HSPH1: variants seen among roughly 807,000 people sequenced by gnomAD.
HSPH1 encodes heat shock protein 105 kDa.
In HSPH1, 40 loss-of-function variants were observed where a neutral mutation model predicts 100.0. That is an observed-to-expected ratio of 0.40 (90% CI 0.31 to 0.52). The LOEUF is 0.52. Ranked by LOEUF, HSPH1 falls within the 20% of genes least tolerant of loss-of-function variation. HSPH1 has a pLI of 0.54. For missense variants in HSPH1, 876 were observed against 1,015.1 expected, an observed-to-expected ratio of 0.86 and a Z score of 1.86; for synonymous variants, 403 against 344.0, an observed-to-expected ratio of 1.17 and a Z score of -1.90.
At chr13:31,142,879 A>G (rs899091516) in intron 12 of HSPH1, among the ~76,000 whole-genome samples, 3 of 152,120 alleles carry the variant, frequency 2.0e-5, no homozygotes, top group Non-Finnish European at 4.4e-5. Flanking sequence ...AACCACCATC[A>G]TCACACAACT....
At chr13:31,147,928 A>G (rs1292419887) in intron 10 of HSPH1, 31 bp downstream of exon 10, 2 of 1,541,062 alleles carry the variant, frequency 1.3e-6, no homozygotes, top group Non-Finnish European at 1.7e-6. Flanking sequence ...CTTTAACTAA[A>G]AGAGTAAAAT....
At chr13:31,157,606 C>A (rs1956744520) in intron 2 of HSPH1, among the ~76,000 whole-genome samples, 1 of 152,154 alleles carries the variant, frequency 6.6e-6, no homozygotes, top group Non-Finnish European at 1.5e-5. Flanking sequence ...ATACAGTACT[C>A]AATCTAATCC....
intron 14 of HSPH1, 84 bp downstream of exon 14, chr13:31,140,099 TA>T: frequency 1.5e-6 from 2 of 1,293,282 alleles, no homozygotes; most frequent in Non-Finnish European, 1.0e-6. Context: ...CATAATTGAG[TA>T]AAAGCTTAAG....
At chr13:31,147,039 G>A (rs957568713) in intron 10 of HSPH1, among the ~76,000 whole-genome samples, 1 of 152,072 alleles carries the variant, frequency 6.6e-6, no homozygotes, top group African/African-American at 2.4e-5. Flanking sequence ...TCTATCTAAA[G>A]AAACAGCATT....
At chr13:31,158,652 C>T (rs927423514) in intron 2 of HSPH1, among the ~76,000 whole-genome samples, 154 bp downstream of exon 2, 1 of 149,596 alleles carries the variant, frequency 6.7e-6, no homozygotes, top group African/African-American at 2.5e-5. Context: ...AGAGTGTCAT[C>T]ATCTGAAGGT....
At chr13:31,140,150 A>T in intron 14 of HSPH1, 34 bp downstream of exon 14, 1 of 1,585,038 alleles carries the variant, frequency 6.3e-7, no homozygotes, top group Non-Finnish European at 8.6e-7. Flanking sequence ...TTCATATGAG[A>T]CTATCTGAAC....
chr13:31,145,808 T>C, intron 10 of HSPH1, 40 bp from the exon 11 acceptor site: 2 of 1,589,146 alleles, frequency 1.3e-6, no homozygotes, highest in Non-Finnish European at 1.7e-6. Flanking sequence ...TCACAATTTA[T>C]TTAGAATTAA....
chr13:31,150,917 T>A (rs1956463854), intron 7 of HSPH1, 30 bp downstream of exon 7: 1 of 1,577,970 alleles, frequency 6.3e-7, no homozygotes, highest in African/African-American at 1.4e-5. Flanking sequence ...AGAAGTTCCA[T>A]CTATTTAATC....
At chr13:31,144,415 C>T (rs7981699) in intron 11 of HSPH1, among the ~76,000 whole-genome samples, 146,329 of 152,258 alleles carry the variant, frequency 0.96, 70,342 homozygotes, top group South Asian at 0.97. Context: ...AGCTTATAGA[C>T]AGCCAAGACT....
rs192106781 is a variant in HSPH1 at position 31,140,367 on chromosome 13, A to G, written c.1855-58T>C. ...TTCTAGTTAACTCAAGCTAAATTCT[A>G]AATATGTAGACTCTGGGGTTTAAAA... On this transcript the variant is annotated intron_variant, in intron 13 of 17. Coordinates refer to ENST00000320027, the MANE Select transcript of HSPH1 (RefSeq NM_006644.4). The G allele has an allele frequency of 2.6e-4, 395 of 1,534,176 alleles. 1 individual carries two copies. Among genetic ancestry groups the G allele is most frequent in the Non-Finnish European group, 2.9e-4 (326 of 1,128,050 alleles).
At chr13:31,145,262 G>C (rs560639033) in intron 11 of HSPH1, among the ~76,000 whole-genome samples, 1 of 151,976 alleles carries the variant, frequency 6.6e-6, no homozygotes, top group African/African-American at 2.4e-5. Context: ...GTCAACATTC[G>C]ACTTCTCAAT....
chr13:31,148,572 C>CA (rs33938762), intron 8 of HSPH1, 92 bp from the exon 9 acceptor site: 21,780 of 136,128 alleles, frequency 0.16, 1,985 homozygotes, highest in East Asian at 0.31. Context: ...ACAGGGTTTT[C>CA]AAAAAAAAAA....
chr13:31,152,703 A>G, intron 5 of HSPH1, 149 bp downstream of exon 5: 2 of 575,276 alleles, frequency 3.5e-6, no homozygotes, highest in South Asian at 2.2e-5. Flanking sequence ...CTCATTAACC[A>G]TAAGCATTTT....
rs770420187 is a variant in HSPH1 at position 31,137,407 on chromosome 13, C to T, written c.2488G>A (p.Asp830Asn). 1.2e-6 allele frequency: 2 copies of T among 1,613,390 alleles called. No individual in the cohort carries two copies. Among genetic ancestry groups the T allele is most frequent in the South Asian group, 2.2e-5 (2 of 91,038 alleles). Residue 830 changes from aspartate to asparagine, a missense_variant, in exon 18 of 18, where the codon GAC (aspartate) becomes AAC (asparagine). By Grantham distance (23) the Asp-to-Asn change is conservative. Transcript: ENST00000320027. Reference protein sequence around the residue: ...NIDKKEEDLEDKNNFGAEPPH... With the variant: ...NIDKKEEDLENKNNFGAEPPH... ...GGTTCAGCACCAAAATTGTTTTTGT[C>T]TTCTAAATCTTCTTCCTTTTTATCA...
chr13:31,154,578 A>C (rs779472014), intron 4 of HSPH1, 55 bp downstream of exon 4: 2 of 1,604,090 alleles, frequency 1.2e-6, no homozygotes, highest in African/African-American at 2.7e-5. Flanking sequence ...CTTAAAAGTA[A>C]TACAAAGAAC....
chr13:31,135,425 G>C lies in HSPH1; in HGVS notation c.*1893C>G, dbSNP rs1170462183. On this transcript the variant is annotated 3_prime_UTR_variant, in exon 18 of 18. Coordinates refer to ENST00000320027, the MANE Select transcript of HSPH1 (RefSeq NM_006644.4). ...ACATTCAGAAAACATAAAAACCAAAGAAACATATTAACTGCATAAAAATTT... is the reference window on the plus strand; with the variant it reads ...ACATTCAGAAAACATAAAAACCAAACAAACATATTAACTGCATAAAAATTT... 1.3e-5 allele frequency: 2 copies of C among 152,054 alleles called. No individual in the cohort carries two copies. Among genetic ancestry groups the C allele is most frequent in the Non-Finnish European group, 2.9e-5 (2 of 67,990 alleles). 9.4% of individuals were successfully genotyped at this position (152,054 alleles called of 1,614,324 possible). A position where few individuals can be genotyped will look rare whatever the true frequency, so the allele number is the denominator to read the frequency against.
At position 31,137,018 on chromosome 13, in the gene HSPH1, G is replaced by T. The variant is rs1593704502; in HGVS notation, c.*300C>A. ...ACAGCCCTCTTGAACAAGCAGTACA[G>T]TTTTTTTTCTCCAAAAGACAAAAGT... On this transcript the variant is annotated 3_prime_UTR_variant, in exon 18 of 18. Transcript: ENST00000320027. 2 of 495,088 alleles carry T rather than the reference G, an allele frequency of 4.0e-6. No homozygotes were observed. Among genetic ancestry groups the T allele is most frequent in the Non-Finnish European group, 7.7e-6 (2 of 258,366 alleles). 30.7% of individuals were successfully genotyped at this position (495,088 alleles called of 1,614,324 possible).
intron 17 of HSPH1, among the ~76,000 whole-genome samples, chr13:31,137,776 G>C (rs1216829337): frequency 6.6e-6 from 1 of 152,098 alleles, no homozygotes; most frequent in Non-Finnish European, 1.5e-5. Flanking sequence ...AGTGTTAAAA[G>C]ACAGAAATTA....
chr13:31,146,867 T>C (rs1956281250), intron 10 of HSPH1, among the ~76,000 whole-genome samples: 1 of 152,206 alleles, frequency 6.6e-6, no homozygotes, highest in African/African-American at 2.4e-5. Flanking sequence ...GAACCTATTA[T>C]GTGCAAAGCT....
Sources: gnomAD v4.1 joint callset for allele counts (sites outside exome capture counted in the v4.1 genomes callset) on GRCh38, gnomAD v4.1.1 for gene constraint, MANE v1.5 for transcripts, NCBI Gene and HGNC (gene_info 2026-07-23, HGNC 2026-07-21) for gene names.